Variants in CNTNAP2 observed in about 807,000 individuals in gnomAD.
CNTNAP2 encodes contactin associated protein 2, also known as contactin-associated protein-like 2.
In CNTNAP2, 98 loss-of-function variants were observed where a neutral mutation model predicts 155.2. The ratio of observed to expected loss-of-function variants is 0.63; its 90% CI spans 0.54 to 0.75. The LOEUF is 0.75. Ranked by LOEUF, CNTNAP2 falls within the 30% of genes least tolerant of loss-of-function variation. The probability of loss-of-function intolerance (pLI) is 0.00; values close to 1 mark genes in which losing one functional copy is unlikely to be tolerated. For synonymous variants in CNTNAP2, 651 were observed against 631.2 expected (o/e 1.03, Z -0.47); for missense variants, 1,727 against 1,688.1 (o/e 1.02, Z -0.40).
chr7:146,132,787 C>G (rs971345547), intron 1 of CNTNAP2, among the ~76,000 whole-genome samples: 1 of 150,262 alleles, frequency 6.7e-6, no homozygotes, highest in African/African-American at 2.4e-5. Context: ...GTATATGTGC[C>G]ACATTTTCTT....
intron 11 of CNTNAP2, among the ~76,000 whole-genome samples, chr7:147,491,870 A>G (rs557137309): frequency 6.6e-6 from 1 of 152,244 alleles, no homozygotes; most frequent in Non-Finnish European, 1.5e-5. Flanking sequence ...CAAGACATTA[A>G]ACATTATTCT....
intron 16 of CNTNAP2, among the ~76,000 whole-genome samples, chr7:148,119,404 C>A (rs937226351): frequency 1.3e-5 from 2 of 150,188 alleles, no homozygotes; most frequent in Admixed American, 1.3e-4. Flanking sequence ...GTGGCGGGGG[C>A]GCCTGTAGTC....
intron 8 of CNTNAP2, among the ~76,000 whole-genome samples, chr7:147,163,830 A>G (rs1802072926): frequency 6.6e-6 from 1 of 152,158 alleles, no homozygotes; most frequent in African/African-American, 2.4e-5. Context: ...CCCATTTTCT[A>G]CATTTTCTGT....
intron 9 of CNTNAP2, among the ~76,000 whole-genome samples, chr7:147,303,813 TC>T (rs1794983324): frequency 6.6e-6 from 1 of 152,236 alleles, no homozygotes; most frequent in Admixed American, 6.5e-5. Context: ...CTTGAGCCTT[TC>T]TTTTAACTCT....
intron 12 of CNTNAP2, among the ~76,000 whole-genome samples, chr7:147,601,671 A>G (rs1244519255): frequency 1.4e-5 from 2 of 146,842 alleles, no homozygotes; most frequent in Admixed American, 1.4e-4. Flanking sequence ...ATATATATAT[A>G]TATACACACC....
At chr7:147,830,469 A>G (rs1798530007) in intron 13 of CNTNAP2, among the ~76,000 whole-genome samples, 1 of 152,158 alleles carries the variant, frequency 6.6e-6, no homozygotes, top group Non-Finnish European at 1.5e-5. Flanking sequence ...TTAAGATTTC[A>G]GCATATTAAT....
intron 12 of CNTNAP2, among the ~76,000 whole-genome samples, chr7:147,632,894 A>T (rs754317556): frequency 1.9e-4 from 29 of 152,246 alleles, no homozygotes; most frequent in Non-Finnish European, 4.1e-4. Flanking sequence ...GAACTGGAGT[A>T]AAAGTGACTC....
intron 8 of CNTNAP2, among the ~76,000 whole-genome samples, chr7:147,175,587 G>A (rs903001853): frequency 8.5e-5 from 13 of 152,142 alleles, no homozygotes; most frequent in African/African-American, 9.7e-5. Flanking sequence ...AGAAGGAAGA[G>A]GGACACAGAG....
At chr7:146,163,730 A>G (rs1798268775) in intron 1 of CNTNAP2, among the ~76,000 whole-genome samples, 1 of 151,284 alleles carries the variant, frequency 6.6e-6, no homozygotes, top group Non-Finnish European at 1.5e-5. Flanking sequence ...ACTGGGTAAA[A>G]AAAAAGAAAA....
chr7:146,835,635 G>A (rs1283465732), intron 2 of CNTNAP2, among the ~76,000 whole-genome samples: 1 of 152,020 alleles, frequency 6.6e-6, no homozygotes, highest in Admixed American at 6.6e-5. Flanking sequence ...CTACAAAGCA[G>A]GTATAAGTAA....
chr7:147,365,304 G>A (rs1245931634), intron 9 of CNTNAP2, among the ~76,000 whole-genome samples: 3 of 149,510 alleles, frequency 2.0e-5, no homozygotes, highest in Non-Finnish European at 4.4e-5. Flanking sequence ...GAACCCAGGA[G>A]GCGGAGGTTG....
rs150059857 is a variant in CNTNAP2 at position 147,963,355 on chromosome 7, T to A, written c.2256-14507T>A. 1.9e-3 allele frequency among the ~76,000 whole-genome samples: 295 copies of A among 152,258 alleles called. 1 individual carries two copies. The highest frequency in any genetic ancestry group is 3.6e-3 in the Non-Finnish European group (247 of 68,020). On this transcript the variant is annotated intron_variant, in intron 14 of 23. Coordinates refer to ENST00000361727, the MANE Select transcript of CNTNAP2 (RefSeq NM_014141.6). ...AATTTCTATGGGAAATACAGTTCTGTTATCTATGGATAATACAGTTCTTCC... is the reference window on the plus strand; with the variant it reads ...AATTTCTATGGGAAATACAGTTCTGATATCTATGGATAATACAGTTCTTCC...
chr7:146,561,689 A>G (rs1798281829), intron 1 of CNTNAP2, among the ~76,000 whole-genome samples: 1 of 152,148 alleles, frequency 6.6e-6, no homozygotes, highest in Admixed American at 6.5e-5. Flanking sequence ...CCACAAAATC[A>G]CAATGACCTC....
chr7:146,708,094 T>A (rs1285546826), intron 1 of CNTNAP2, among the ~76,000 whole-genome samples: 1 of 152,096 alleles, frequency 6.6e-6, no homozygotes, highest in Non-Finnish European at 1.5e-5. Context: ...AAGACAAGAC[T>A]CTATAAAAAA....
chr7:147,362,132 C>T (rs758648243), intron 9 of CNTNAP2, among the ~76,000 whole-genome samples: 4 of 152,128 alleles, frequency 2.6e-5, no homozygotes, highest in Admixed American at 6.5e-5. Flanking sequence ...AAGGAGTAAG[C>T]TTTGTTATGG....
chr7:146,464,893 A>G (rs1442272907), intron 1 of CNTNAP2, among the ~76,000 whole-genome samples: 1 of 152,096 alleles, frequency 6.6e-6, no homozygotes, highest in Non-Finnish European at 1.5e-5. Context: ...TTGAATTTTA[A>G]TGATATTGTA....
At chr7:147,714,634 T>C (rs1796455329) in intron 13 of CNTNAP2, among the ~76,000 whole-genome samples, 1 of 152,110 alleles carries the variant, frequency 6.6e-6, no homozygotes, top group South Asian at 2.1e-4. Flanking sequence ...TTTATATTGA[T>C]ACTAGTATAA....
intron 1 of CNTNAP2, among the ~76,000 whole-genome samples, chr7:146,585,311 C>T (rs1200927540): frequency 6.6e-6 from 1 of 151,574 alleles, no homozygotes; most frequent in Non-Finnish European, 1.5e-5. Context: ...TAGTAGAGAC[C>T]AGGTTTCACC....
chr7:147,345,505 G>A (rs1266753828), intron 9 of CNTNAP2, among the ~76,000 whole-genome samples: 1 of 151,918 alleles, frequency 6.6e-6, no homozygotes, highest in African/African-American at 2.4e-5. Context: ...CTTTTTTGTT[G>A]AACTTGTGAA....
Sources: gnomAD v4.1 joint callset for allele counts (sites outside exome capture counted in the v4.1 genomes callset) on GRCh38, gnomAD v4.1.1 for gene constraint, MANE v1.5 for transcripts, NCBI Gene and HGNC (gene_info 2026-07-23, HGNC 2026-07-21) for gene names.